CAPN3: variants seen among roughly 807,000 people sequenced by gnomAD.
The protein encoded by CAPN3 is calpain-3.
CAPN3 carries 88 observed loss-of-function variants against 114.0 expected under a neutral mutation model. That is an observed-to-expected ratio of 0.77 (90% CI 0.65 to 0.92). The LOEUF (loss-of-function observed/expected upper bound fraction) is 0.92, where lower values mean the gene tolerates loss of function less well. CAPN3 is among the 40% of genes least tolerant of loss of function. The pLI, the probability that CAPN3 is intolerant of heterozygous loss-of-function variation, is 0.00. For missense variants in CAPN3, 1,028 were observed against 1,069.0 expected (o/e 0.96, Z 0.53); for synonymous variants, 386 against 382.9 (o/e 1.01, Z -0.09).
chr15:42,376,721 G>A (rs1005763255), intron 1 of CAPN3, among the ~76,000 whole-genome samples: 6 of 152,112 alleles, frequency 3.9e-5, no homozygotes, highest in Non-Finnish European at 7.4e-5. Context: ...CATTGCTACC[G>A]GAGTGTGATT....
chr15:42,410,607 ACACAGACCAGTCCGGCAC>A lies in CAPN3; in HGVS notation c.2207_2224del (p.Thr736_Thr741del). ...TGCCAGAAAATTTTCAAACACTATGACACAGACCAGTCCGGCACCATCAACAGCTACGAGATGCGAAAT... is the reference window on the plus strand; with the variant it reads ...TGCCAGAAAATTTTCAAACACTATGACATCAACAGCTACGAGATGCGAAAT... On this transcript the variant is annotated inframe_deletion, in exon 21 of 24. Transcript: ENST00000397163. The A allele has an allele frequency of 1.2e-6, 2 of 1,614,020 alleles. No homozygotes were observed. Among genetic ancestry groups the A allele is most frequent in the Non-Finnish European group, 1.7e-6 (2 of 1,179,954 alleles).
At chr15:42,370,455 C>G (rs7166785) in intron 1 of CAPN3, among the ~76,000 whole-genome samples, 42,162 of 152,044 alleles carry the variant, frequency 0.28, 8,631 homozygotes, top group African/African-American at 0.57. Context: ...CTAGTGCCTA[C>G]GACCCAGTTG....
Position 42,401,473 on chromosome 15 carries a change from GC to G in CAPN3, c.1355-154del, listed in dbSNP as rs35924291. On this transcript the variant is annotated intron_variant, in intron 10 of 23. Coordinates refer to ENST00000397163, the MANE Select transcript of CAPN3 (RefSeq NM_000070.3). ...ACAGCTCCATCTGAATAAAGGTAGC[GC>G]CCCCCCCCCCCCCAAATCATTAGAG... is the stretch of plus-strand genomic sequence containing the variant. 0.43 allele frequency among the ~76,000 whole-genome samples: 31,050 copies of G among 72,658 alleles called. 5,865 individuals carry two copies. The highest frequency in any genetic ancestry group is 0.51 in the African/African-American group (12,046 of 23,638). The allele number at this position is 72,658 out of a possible 152,430, so 47.7% of individuals were successfully genotyped here.
intron 4 of CAPN3, 89 bp downstream of exon 4, chr15:42,387,975 A>G: frequency 6.7e-7 from 1 of 1,497,370 alleles, no homozygotes; most frequent in Non-Finnish European, 9.3e-7. Context: ...AGGAAGAGGC[A>G]TGTGCCTCTA....
chr15:42,398,590 TACACACACACACACACACACAC>T (rs376966106), intron 9 of CAPN3, among the ~76,000 whole-genome samples: 17 of 120,250 alleles, frequency 1.4e-4, no homozygotes, highest in South Asian at 5.6e-4. Context: ...TCTCAAAAAA[TACACACACACACACACACACAC>T]ACACACACAC....
At chr15:42,383,324 C>A (rs2053298744) in intron 1 of CAPN3, among the ~76,000 whole-genome samples, 1 of 152,158 alleles carries the variant, frequency 6.6e-6, no homozygotes, top group African/African-American at 2.4e-5. Context: ...CGCGGTGGCT[C>A]ACGCCTGTAA....
In CAPN3 at chr15:42,412,255, C is replaced by A; in HGVS notation, c.*482C>A. On this transcript the variant is annotated 3_prime_UTR_variant, in exon 24 of 24. Transcript: ENST00000397163. ...GGGCTGGTTACTTTGGGCTGTCCAACTCATAAGTTTGGCTGCATTTTGAAA... is the reference window on the plus strand; with the variant it reads ...GGGCTGGTTACTTTGGGCTGTCCAAATCATAAGTTTGGCTGCATTTTGAAA... The A allele has an allele frequency of 7.0e-7, 1 of 1,419,040 alleles. No individual in the cohort carries two copies. The highest frequency in any genetic ancestry group is 9.5e-7 in the Non-Finnish European group (1 of 1,047,228). The allele number at this position is 1,419,040 out of a possible 1,614,324, so 87.9% of individuals were successfully genotyped here.
intron 1 of CAPN3, among the ~76,000 whole-genome samples, chr15:42,379,671 G>A (rs2053185839): frequency 6.6e-6 from 1 of 152,112 alleles, no homozygotes; most frequent in South Asian, 2.1e-4. Context: ...TTGACCAATT[G>A]ACCTTTTCAT....
At chr15:42,372,287 G>A (rs562985289) in intron 1 of CAPN3, among the ~76,000 whole-genome samples, 3 of 152,078 alleles carry the variant, frequency 2.0e-5, no homozygotes, top group Non-Finnish European at 2.9e-5. Context: ...AGCCTCCCAA[G>A]TAGCTGGGAT....
intron 1 of CAPN3, among the ~76,000 whole-genome samples, chr15:42,379,326 G>T (rs1392030107): frequency 1.3e-5 from 2 of 151,946 alleles, no homozygotes; most frequent in South Asian, 2.1e-4. Flanking sequence ...AAAAAAATTG[G>T]TTAAGGTGTG....
chr15:42,363,999 C>G (rs1453832162), intron 1 of CAPN3, among the ~76,000 whole-genome samples: 4 of 152,138 alleles, frequency 2.6e-5, no homozygotes, highest in Non-Finnish European at 5.9e-5. Flanking sequence ...TCCCACCTGC[C>G]CTGCACTTTT....
intron 14 of CAPN3, chr15:42,404,123 C>T: frequency 2.1e-6 from 1 of 481,212 alleles, no homozygotes; most frequent in Non-Finnish European, 4.1e-6. Context: ...GGATTTCACA[C>T]ATAGAGAAAA....
Position 42,359,721 on chromosome 15 carries a change from C to G in CAPN3, c.-85C>G, listed in dbSNP as rs2052587713. On this transcript the variant is annotated 5_prime_UTR_variant, in exon 1 of 24. Transcript: ENST00000397163. ...CTCTCAGATGACAGAATTACTCCAA[C>G]TTCCCCTTTGCAGTTGCTTCCTTTC... is the stretch of plus-strand genomic sequence containing the variant. 9 of 1,600,386 alleles carry G rather than the reference C, an allele frequency of 5.6e-6. No individual in the cohort carries two copies. In the South Asian group the frequency reaches 9.0e-5, roughly 16 times the overall value.
rs1265462716 is a variant in CAPN3, at chr15:42,405,003, A to G, written c.1783-923A>G. The G allele has an allele frequency of 6.1e-6, 6 of 989,290 alleles. No individual in the cohort carries two copies. The East Asian group carries it at 5.6e-4, about 92-fold the overall frequency. The allele number at this position is 989,290 out of a possible 1,614,324, so 61.3% of individuals were successfully genotyped here. A position where few individuals can be genotyped will look rare whatever the true frequency, so the allele number is the denominator to read the frequency against. ...GGGGTTTTGATGTCCCTGCACTGAC[A>G]CAGTTGTCTGCAGTTCTCAATTGAC... On this transcript the variant is annotated intron_variant, in intron 14 of 23. Transcript: ENST00000397163.
At chr15:42,364,388 A>C (rs1037080956) in intron 1 of CAPN3, among the ~76,000 whole-genome samples, 2 of 152,232 alleles carry the variant, frequency 1.3e-5, no homozygotes, top group African/African-American at 4.8e-5. Flanking sequence ...TGCTCAGTAA[A>C]CATAGACTAC....
At chr15:42,409,478 C>A in intron 17 of CAPN3, 98 bp downstream of exon 17, 1 of 1,245,268 alleles carries the variant, frequency 8.0e-7, no homozygotes, top group Non-Finnish European at 1.2e-6. Context: ...TGGTAGAGGT[C>A]ACTTTGGACT....
chr15:42,386,398 G>A (rs28364400), intron 3 of CAPN3, 113 bp downstream of exon 3: 35 of 801,562 alleles, frequency 4.4e-5, no homozygotes, highest in Admixed American at 1.5e-4. Flanking sequence ...TACCCGCAGC[G>A]GCAACAGTCG....
intron 1 of CAPN3, among the ~76,000 whole-genome samples, chr15:42,383,665 A>T (rs1260432754): frequency 6.6e-6 from 1 of 151,542 alleles, no homozygotes; most frequent in Non-Finnish European, 1.5e-5. Flanking sequence ...TTAATTTATT[A>T]TTATTATTAT....
At chr15:42,392,088 A>G (rs2053570143) in intron 6 of CAPN3, among the ~76,000 whole-genome samples, 1 of 152,168 alleles carries the variant, frequency 6.6e-6, no homozygotes, top group South Asian at 2.1e-4. Context: ...TCGCTGGAAC[A>G]CGGGAGGCAG....
Sources: gnomAD v4.1 joint callset for allele counts (sites outside exome capture counted in the v4.1 genomes callset) on GRCh38, gnomAD v4.1.1 for gene constraint, MANE v1.5 for transcripts, NCBI Gene and HGNC (gene_info 2026-07-23, HGNC 2026-07-21) for gene names.